The following AFF3 variants were observed in gnomAD, a reference collection of about 807,000 sequenced individuals.
AFF3 encodes AF4/FMR2 family member 3.
Under a neutral mutation model 129.7 loss-of-function variants are expected in AFF3, and 32 were observed. The ratio of observed to expected loss-of-function variants is 0.25; its 90% CI spans 0.19 to 0.33. The LOEUF (loss-of-function observed/expected upper bound fraction) is 0.33, where lower values mean the gene tolerates loss of function less well. Ranked by LOEUF, AFF3 falls within the 10% of genes least tolerant of loss-of-function variation. The pLI is 1.00. For synonymous variants in AFF3, 644 were observed against 635.4 expected, an observed-to-expected ratio of 1.01 and a Z score of -0.20; for missense variants, 1,373 against 1,592.0, an observed-to-expected ratio of 0.86 and a Z score of 2.34.
At position 99,594,233 on chromosome 2, in the gene AFF3, A is replaced by G; in HGVS notation, c.1428T>C (p.Asn476=). ...GGATCAGAATAGGAGGCTTGTGGGG[A>G]TTAACTTTGTTTAGCCATTTATCCA... ...WQLDKWLNKV[N]PHKPPILIQN... is the part of the protein sequence containing the mutation. Residue 476 remains asparagine, a synonymous_variant, in exon 15 of 25, where the codon AAT becomes AAC. Coordinates refer to ENST00000672756, the MANE Select transcript of AFF3 (RefSeq NM_001386135.1). The G allele has an allele frequency of 6.2e-7, 1 of 1,613,072 alleles. No individual in the cohort carries two copies. Among genetic ancestry groups the G allele is most frequent in the East Asian group, 2.2e-5 (1 of 44,850 alleles).
intron 4 of AFF3, among the ~76,000 whole-genome samples, chr2:100,066,665 T>C (rs1329003648): frequency 6.6e-6 from 1 of 152,136 alleles, no homozygotes; most frequent in Non-Finnish European, 1.5e-5. Flanking sequence ...CTTGTAATAA[T>C]GGCATGATAA....
chr2:99,681,412 T>C (rs1231313779), intron 11 of AFF3, among the ~76,000 whole-genome samples: 1 of 152,222 alleles, frequency 6.6e-6, no homozygotes, highest in African/African-American at 2.4e-5. Context: ...GATTCTGATT[T>C]AATTGGTTTT....
chr2:100,008,988 C>A (rs999838556), intron 4 of AFF3, 56 bp from the exon 5 acceptor site: 27 of 1,593,118 alleles, frequency 1.7e-5, no homozygotes, highest in Non-Finnish European at 2.3e-5. Context: ...ACTGTAAAGC[C>A]CAATGTAACA....
In AFF3 at chr2:100,036,134, TAAAAAAAAAAAAAAAA is replaced by T. The variant is rs59136725; in HGVS notation, c.54-27218_54-27203del. ...TGCCAAGTTCTGAAAAATACAGTGC[TAAAAAAAAAAAAAAAA>T]AAAAAAAAAACAACTTTCTCAAAGT... On this transcript the variant is annotated intron_variant, in intron 4 of 24. Transcript: ENST00000672756. 1.4e-4 allele frequency among the ~76,000 whole-genome samples: 9 copies of T among 64,328 alleles called. 1 individual carries two copies. The highest frequency in any genetic ancestry group is 1.9e-4 in the Admixed American group (1 of 5,302). 42.2% of individuals were successfully genotyped at this position (64,328 alleles called of 152,430 possible). A position where few individuals can be genotyped will look rare whatever the true frequency, so the allele number is the denominator to read the frequency against.
chr2:100,099,700 T>C (rs1261128354), intron 4 of AFF3, among the ~76,000 whole-genome samples: 1 of 152,168 alleles, frequency 6.6e-6, no homozygotes, highest in African/African-American at 2.4e-5. Context: ...TGGCTTATTC[T>C]CCTATTAAGT....
At position 99,696,068 on chromosome 2, in the gene AFF3, T is replaced by G. The variant is rs2104722492; in HGVS notation, c.1092-23479A>C. ...TCCCTTTCCCAAGAAAGACATTCACTCCTCACAGCCTGACAGCCTCAGACA... is the reference window on the plus strand; with the variant it reads ...TCCCTTTCCCAAGAAAGACATTCACGCCTCACAGCCTGACAGCCTCAGACA... On this transcript the variant is annotated intron_variant, in intron 11 of 24. Transcript: ENST00000672756. Among the ~76,000 whole-genome samples the G allele has an allele frequency of 2.0e-5, 3 of 148,212 alleles. No homozygotes were observed. The East Asian group carries it at 6.0e-4, about 30-fold the overall frequency.
intron 11 of AFF3, among the ~76,000 whole-genome samples, chr2:99,690,211 C>T (rs143163770): frequency 0.08 from 11,411 of 142,188 alleles, 632 homozygotes; most frequent in Non-Finnish European, 0.12. Context: ...GAGACAGTCT[C>T]GCTCTGTCGC....
In AFF3 at chr2:99,661,089, G is replaced by A. The variant is rs184502767; in HGVS notation, c.1144-11423C>T. Among the ~76,000 whole-genome samples, 18 of 152,144 alleles carry A rather than the reference G, an allele frequency of 1.2e-4. 1 individual carries two copies. The highest frequency in any genetic ancestry group is 3.1e-4 in the African/African-American group (13 of 41,408). On this transcript the variant is annotated intron_variant, in intron 12 of 24. Coordinates refer to ENST00000672756, the MANE Select transcript of AFF3 (RefSeq NM_001386135.1). ...CCCATGCCTGGAAATGAGGGATAGC[G>A]TATACTCCAAGGAACAACATCTCTT...
intron 7 of AFF3, among the ~76,000 whole-genome samples, chr2:99,931,122 T>C (rs1439717322): frequency 6.6e-6 from 1 of 152,186 alleles, no homozygotes; most frequent in East Asian, 1.9e-4. Context: ...ATCAGTTGGA[T>C]TTGTGACAAA....
At chr2:99,838,778 T>C (rs1689088515) in intron 7 of AFF3, among the ~76,000 whole-genome samples, 2 of 152,212 alleles carry the variant, frequency 1.3e-5, no homozygotes, top group African/African-American at 4.8e-5. Context: ...CCTGCAGTTC[T>C]GAGGGGCATG....
At chr2:100,125,270 G>A (rs1177999995) in intron 2 of AFF3, among the ~76,000 whole-genome samples, 1 of 152,110 alleles carries the variant, frequency 6.6e-6, no homozygotes, top group Non-Finnish European at 1.5e-5. Flanking sequence ...GATTCTGGGA[G>A]GAGAGGGGTG....
At chr2:99,563,981 T>G (rs907008903) in intron 20 of AFF3, among the ~76,000 whole-genome samples, 2 of 152,164 alleles carry the variant, frequency 1.3e-5, no homozygotes, top group African/African-American at 2.4e-5. Flanking sequence ...GTGGGTGTGG[T>G]ACCCCAGCAC....
chr2:99,867,257 T>G (rs1434018108), intron 7 of AFF3, among the ~76,000 whole-genome samples: 3 of 152,062 alleles, frequency 2.0e-5, no homozygotes, highest in African/African-American at 7.2e-5. Flanking sequence ...CCTAACTTGA[T>G]GAATAGCATT....
chr2:100,009,519 T>A (rs552069453), intron 4 of AFF3, among the ~76,000 whole-genome samples: 10 of 152,212 alleles, frequency 6.6e-5, no homozygotes, highest in African/African-American at 2.4e-4. Context: ...TTTGACACTA[T>A]CACTCCTCCT....
At chr2:99,910,867 G>A (rs1695059780) in intron 7 of AFF3, among the ~76,000 whole-genome samples, 1 of 152,242 alleles carries the variant, frequency 6.6e-6, no homozygotes, top group Admixed American at 6.5e-5. Flanking sequence ...GACCAGCTTC[G>A]CTGTTTGGCT....
intron 12 of AFF3, among the ~76,000 whole-genome samples, chr2:99,664,696 T>C (rs954529334): frequency 2.6e-5 from 4 of 152,216 alleles, no homozygotes; most frequent in Non-Finnish European, 4.4e-5. Context: ...ATCTTTGATA[T>C]TGTACAATGG....
intron 7 of AFF3, among the ~76,000 whole-genome samples, chr2:99,880,218 G>C (rs1190576427): frequency 6.6e-6 from 1 of 152,192 alleles, no homozygotes. Flanking sequence ...CCTGGAACGG[G>C]AGTGAAATGA....
At chr2:99,853,820 T>C (rs1239213920) in intron 7 of AFF3, among the ~76,000 whole-genome samples, 4 of 152,188 alleles carry the variant, frequency 2.6e-5, no homozygotes, top group East Asian at 3.9e-4. Flanking sequence ...CAAGATCCCA[T>C]CTCTGCAAAA....
intron 7 of AFF3, among the ~76,000 whole-genome samples, chr2:99,979,152 G>A (rs1307130196): frequency 7.9e-5 from 12 of 151,248 alleles, no homozygotes; most frequent in Admixed American, 7.2e-4. Context: ...GATGAGGACC[G>A]GGACTAAGTT....
Sources: allele counts gnomAD v4.1 joint callset (sites outside exome capture counted in the v4.1 genomes callset), GRCh38; gene constraint gnomAD v4.1.1; transcripts MANE v1.5; gene names NCBI Gene and HGNC (gene_info 2026-07-23, HGNC 2026-07-21).